The following ZFPM2 variants were observed in gnomAD, a reference collection of about 807,000 sequenced individuals.
ZFPM2 encodes the protein zinc finger protein ZFPM2.
In ZFPM2, 20 loss-of-function variants were observed where a neutral mutation model predicts 98.6. The observed-to-expected ratio is 0.20, with a 90% CI of 0.14 to 0.29. The LOEUF (loss-of-function observed/expected upper bound fraction) is 0.29. Among genes scored for constraint, ZFPM2 ranks in the 10% least tolerant of loss-of-function variants. ZFPM2 has a pLI of 1.00. For missense variants in ZFPM2, 1,310 were observed against 1,388.6 expected (o/e 0.94, Z 0.90); for synonymous variants, 518 against 502.7 (o/e 1.03, Z -0.41).
At chr8:105,466,512 A>G (rs960733830) in intron 3 of ZFPM2, among the ~76,000 whole-genome samples, 4 of 152,000 alleles carry the variant, frequency 2.6e-5, no homozygotes, top group Admixed American at 1.3e-4. Flanking sequence ...TAATTTGGTT[A>G]TTTTCACCTT....
chr8:105,380,639 T>TATATATTATATATATATATTATATATAAC (rs1810835180), intron 1 of ZFPM2, among the ~76,000 whole-genome samples: 2 of 29,258 alleles, frequency 6.8e-5, no homozygotes, highest in Non-Finnish European at 1.2e-4. Flanking sequence ...ATATATTATA[T>TATATATTATATATATATATTATATATAAC]ATATATTATA....
rs1357104085 is a variant in ZFPM2 at position 105,492,263 on chromosome 8, G to A, written c.301+47882G>A. Reference sequence around the variant, plus strand: ...TGCATCCATTGTTTGTGCTTTTTAAGGATATAGAATTTCCACATGCTGATT... The same window carrying A: ...TGCATCCATTGTTTGTGCTTTTTAAAGATATAGAATTTCCACATGCTGATT... On this transcript the variant is annotated intron_variant, in intron 3 of 7. Transcript: ENST00000407775. 2.4e-4 allele frequency among the ~76,000 whole-genome samples: 37 copies of A among 152,060 alleles called. 1 individual carries two copies. The highest frequency in any genetic ancestry group is 2.4e-3 in the Admixed American group (37 of 15,270).
At chr8:105,784,192 A>G (rs1813343406) in intron 5 of ZFPM2, among the ~76,000 whole-genome samples, 1 of 152,164 alleles carries the variant, frequency 6.6e-6, no homozygotes, top group Non-Finnish European at 1.5e-5. Flanking sequence ...TTACATAAAT[A>G]CTACTACCCT....
intron 3 of ZFPM2, among the ~76,000 whole-genome samples, chr8:105,482,718 C>T (rs1563678990): frequency 6.6e-6 from 1 of 152,004 alleles, no homozygotes; most frequent in East Asian, 1.9e-4. Flanking sequence ...ACCCAGGACA[C>T]CCTCCTATTT....
intron 3 of ZFPM2, among the ~76,000 whole-genome samples, chr8:105,536,350 G>A (rs1336645690): frequency 6.6e-6 from 1 of 151,876 alleles, no homozygotes; most frequent in East Asian, 1.9e-4. Context: ...AAGGAAAAGA[G>A]ACTCGTATTT....
chr8:105,482,304 C>G (rs1283634388), intron 3 of ZFPM2, among the ~76,000 whole-genome samples: 3 of 151,978 alleles, frequency 2.0e-5, no homozygotes, highest in African/African-American at 7.2e-5. Context: ...AGTATCTTTC[C>G]TGTACACTTT....
chr8:105,781,040 TTAC>T (rs1170647119), intron 5 of ZFPM2, among the ~76,000 whole-genome samples: 1 of 152,228 alleles, frequency 6.6e-6, no homozygotes, highest in African/African-American at 2.4e-5. Context: ...TGCAGATAGT[TTAC>T]TCCTATGGCA....
chr8:105,784,274 C>T (rs111873300), intron 5 of ZFPM2, among the ~76,000 whole-genome samples: 76 of 152,226 alleles, frequency 5.0e-4, no homozygotes, highest in African/African-American at 1.7e-3. Flanking sequence ...AACTGGCTCT[C>T]CTGCCCCTTC....
intron 4 of ZFPM2, among the ~76,000 whole-genome samples, chr8:105,573,150 A>T (rs1815393068): frequency 6.6e-6 from 1 of 152,112 alleles, no homozygotes; most frequent in Admixed American, 6.5e-5. Context: ...TGCTTGGCCT[A>T]GTGGGCCTCT....
At position 105,802,059 on chromosome 8, in the gene ZFPM2, T is replaced by C; in HGVS notation, c.1977T>C (p.Asn659=). The change falls in exon 8 of 8, where the codon AAT becomes AAC. Residue 659 remains asparagine, a synonymous_variant. Transcript: ENST00000407775. ...QTKKLSTSSN[N]DDKINGKPVD... ...AGAAGCTCTCCACCTCCAGTAACAATGATGACAAAATTAATGGAAAACCTG... is the reference window on the plus strand; with the variant it reads ...AGAAGCTCTCCACCTCCAGTAACAACGATGACAAAATTAATGGAAAACCTG... 6.2e-7 allele frequency: 1 copy of C among 1,613,622 alleles called. No individual in the cohort carries two copies. Among genetic ancestry groups the C allele is most frequent in the Non-Finnish European group, 8.5e-7 (1 of 1,179,812 alleles).
At chr8:105,712,186 A>G (rs1811417162) in intron 5 of ZFPM2, among the ~76,000 whole-genome samples, 1 of 151,586 alleles carries the variant, frequency 6.6e-6, no homozygotes. Flanking sequence ...CAAGTGATGG[A>G]GAAAGAGAGG....
intron 4 of ZFPM2, among the ~76,000 whole-genome samples, chr8:105,599,623 C>T (rs866217490): frequency 8.5e-5 from 13 of 152,122 alleles, no homozygotes; most frequent in Middle Eastern, 6.8e-3. Flanking sequence ...TAATTTATTG[C>T]GGCAATGGCA....
At chr8:105,471,303 A>G (rs192273323) in intron 3 of ZFPM2, among the ~76,000 whole-genome samples, 132 of 152,252 alleles carry the variant, frequency 8.7e-4, no homozygotes, top group African/African-American at 3.1e-3. Context: ...AAAGATGACA[A>G]AATATGCCAT....
chr8:105,726,136 G>A (rs1159591674), intron 5 of ZFPM2, among the ~76,000 whole-genome samples: 8 of 151,800 alleles, frequency 5.3e-5, no homozygotes, highest in South Asian at 4.2e-4. Context: ...AAATTCCATC[G>A]AAATGCTGGC....
chr8:105,357,582 A>G (rs1175976334), intron 1 of ZFPM2, among the ~76,000 whole-genome samples: 2 of 152,190 alleles, frequency 1.3e-5, no homozygotes, highest in Non-Finnish European at 2.9e-5. Context: ...ATTTTGTCAT[A>G]TATTTATAAC....
At chr8:105,582,629 C>G (rs1463044160) in intron 4 of ZFPM2, among the ~76,000 whole-genome samples, 1 of 152,118 alleles carries the variant, frequency 6.6e-6, no homozygotes, top group Non-Finnish European at 1.5e-5. Context: ...GGGTCTCACT[C>G]TGTGCCCAGG....
At chr8:105,549,170 C>T (rs1027626957) in intron 3 of ZFPM2, among the ~76,000 whole-genome samples, 22 of 151,902 alleles carry the variant, frequency 1.4e-4, no homozygotes, top group African/African-American at 5.3e-4. Context: ...TCAAAATCTG[C>T]CATCTCTATA....
chr8:105,651,601 A>G (rs1037420172), intron 5 of ZFPM2, among the ~76,000 whole-genome samples: 12 of 152,122 alleles, frequency 7.9e-5, no homozygotes, highest in African/African-American at 2.9e-4. Context: ...GTGTGTATCA[A>G]CACCTCTAAA....
At position 105,765,907 on chromosome 8, in the gene ZFPM2, A is replaced by G. The variant is rs549245614; in HGVS notation, c.533-22811A>G. 1.7e-4 allele frequency among the ~76,000 whole-genome samples: 26 copies of G among 151,976 alleles called. No homozygotes were observed. In the South Asian group the frequency reaches 5.0e-3, roughly 29 times the overall value. On this transcript the variant is annotated intron_variant, in intron 5 of 7. Transcript: ENST00000407775. ...CTAATTTGTACTTTAATAATTTGTC[A>G]CTGGCATTTCTGGAAATTGTTTTTC...
Sources: gnomAD v4.1 joint callset for allele counts (sites outside exome capture counted in the v4.1 genomes callset) on GRCh38, gnomAD v4.1.1 for gene constraint, MANE v1.5 for transcripts, NCBI Gene and HGNC (gene_info 2026-07-23, HGNC 2026-07-21) for gene names.